Variants in GSE1 observed in about 807,000 individuals in gnomAD.
GSE1 encodes Gse1 coiled-coil protein, also known as genetic suppressor element 1.
Under a neutral mutation model 112.6 loss-of-function variants are expected in GSE1, and 32 were observed. The observed-to-expected ratio is 0.28, with a 90% CI of 0.21 to 0.38. The LOEUF is 0.38. Ranked by LOEUF, GSE1 falls within the 10% of genes least tolerant of loss-of-function variation. GSE1 has a pLI of 1.00. For missense variants in GSE1, 2,348 were observed against 1,699.2 expected (o/e 1.38, Z -6.71); for synonymous variants, 1,115 against 735.6 (o/e 1.52, Z -8.35).
intron 2 of GSE1, 105 bp downstream of exon 2, chr16:85,634,237 C>T (rs1442999866): frequency 2.5e-6 from 2 of 786,190 alleles, no homozygotes; most frequent in African/African-American, 1.9e-5. Flanking sequence ...CTCGTCTTTC[C>T]CACGCCGTGT....
At chr16:85,549,082 C>G (rs1198043676) in intron 2 of GSE1, among the ~76,000 whole-genome samples, 1 of 152,144 alleles carries the variant, frequency 6.6e-6, no homozygotes, top group East Asian at 1.9e-4. Context: ...CCACCGCGCC[C>G]GGCCTGGAGA....
At chr16:85,584,459 G>C (rs901892777) in intron 1 of GSE1, among the ~76,000 whole-genome samples, 1 of 152,204 alleles carries the variant, frequency 6.6e-6, no homozygotes, top group African/African-American at 2.4e-5. Flanking sequence ...TACACTCTCC[G>C]GGTACTGATC....
At chr16:85,633,512 A>G (rs1181523496) in intron 1 of GSE1, among the ~76,000 whole-genome samples, 1 of 152,116 alleles carries the variant, frequency 6.6e-6, no homozygotes, top group African/African-American at 2.4e-5. Flanking sequence ...GCGTGTTTCT[A>G]TCCTGAGGAT....
intron 2 of GSE1, among the ~76,000 whole-genome samples, chr16:85,421,378 A>C (rs1552261): frequency 0.063 from 9,570 of 152,020 alleles, 382 homozygotes; most frequent in East Asian, 0.13. Context: ...GACACTCAGC[A>C]CCGGGAGATG....
intron 1 of GSE1, among the ~76,000 whole-genome samples, chr16:85,331,565 G>T (rs1195048139): frequency 9.5e-6 from 1 of 105,746 alleles, no homozygotes; most frequent in Non-Finnish European, 1.8e-5. Flanking sequence ...GTGTATATGT[G>T]TATATATGTG....
chr16:85,480,932 G>GAGCA (rs2050659870), intron 2 of GSE1, among the ~76,000 whole-genome samples: 1 of 152,242 alleles, frequency 6.6e-6, no homozygotes, highest in Non-Finnish European at 1.5e-5. Flanking sequence ...TGCCCCCAGG[G>GAGCA]AGCAGCGCGT....
chr16:85,225,151 A>G lies in GSE1; in HGVS notation c.2283+53344A>G, dbSNP rs1052621952. ...AAAAAAAAAAGAAAGAAGTAAGTGA[A>G]TAGTAGACCACGTGGGATCACAGGG... On this transcript the variant is annotated intron_variant, in intron 1 of 2. Transcript: ENST00000637419. Among the ~76,000 whole-genome samples the G allele has an allele frequency of 2.0e-5, 3 of 152,162 alleles. No homozygotes were observed. The South Asian group carries it at 6.2e-4, about 32-fold the overall frequency.
intron 1 of GSE1, among the ~76,000 whole-genome samples, chr16:85,327,557 C>T (rs932959463): frequency 5.9e-5 from 9 of 152,088 alleles, no homozygotes; most frequent in Non-Finnish European, 1.2e-4. Flanking sequence ...GAGCTGAGAT[C>T]GCACCACTGC....
chr16:85,643,864 G>A (rs560943124), intron 2 of GSE1, among the ~76,000 whole-genome samples: 27 of 151,934 alleles, frequency 1.8e-4, no homozygotes, highest in African/African-American at 6.5e-4. Flanking sequence ...CCCGGATCAT[G>A]AGCTCTTGGC....
intron 1 of GSE1, among the ~76,000 whole-genome samples, chr16:85,582,565 G>T (rs2046495133): frequency 6.6e-6 from 1 of 152,144 alleles, no homozygotes; most frequent in African/African-American, 2.4e-5. Flanking sequence ...TTCCTGGGTG[G>T]CTCCTCCCTC....
At chr16:85,379,490 A>G (rs2047498259) in intron 2 of GSE1, among the ~76,000 whole-genome samples, 1 of 152,168 alleles carries the variant, frequency 6.6e-6, no homozygotes, top group South Asian at 2.1e-4. Context: ...TCTCCCTGGA[A>G]CATAGTAGGT....
At chr16:85,253,058 G>GCGCCCCCC (rs1906659821) in intron 1 of GSE1, among the ~76,000 whole-genome samples, 1 of 47,144 alleles carries the variant, frequency 2.1e-5, no homozygotes, top group Non-Finnish European at 3.9e-5. Flanking sequence ...AGGCGCCCCC[G>GCGCCCCCC]CCCCCCCCCC....
chr16:85,586,242 C>G (rs551468734), intron 1 of GSE1, among the ~76,000 whole-genome samples: 6 of 152,346 alleles, frequency 3.9e-5, no homozygotes, highest in Admixed American at 3.3e-4. Flanking sequence ...TCTGCAATTT[C>G]CAGATGAGGG....
At chr16:85,190,841 A>AG (rs1241990222) in intron 1 of GSE1, among the ~76,000 whole-genome samples, 5 of 152,178 alleles carry the variant, frequency 3.3e-5, no homozygotes, top group Non-Finnish European at 4.4e-5. Flanking sequence ...CGGACTCACC[A>AG]GGGTGGGGCT....
chr16:85,378,829 A>G (rs1199693039), intron 2 of GSE1, among the ~76,000 whole-genome samples: 2 of 152,130 alleles, frequency 1.3e-5, no homozygotes, highest in African/African-American at 4.8e-5. Flanking sequence ...GCTGCTCTGC[A>G]GTCTCCTCCC....
chr16:85,178,467 A>G (rs1453095063), intron 1 of GSE1, among the ~76,000 whole-genome samples: 1 of 152,104 alleles, frequency 6.6e-6, no homozygotes, highest in Non-Finnish European at 1.5e-5. Context: ...ATTTAAAAAT[A>G]CCAATGACAG....
At chr16:85,284,879 G>C (rs1392493311) in intron 1 of GSE1, 1 of 152,146 alleles carries the variant, frequency 6.6e-6, no homozygotes, top group African/African-American at 2.4e-5. Context: ...TTCTTTTTTG[G>C]TATTAGAGTA....
chr16:85,429,786 G>A (rs541599125), intron 2 of GSE1, among the ~76,000 whole-genome samples: 9 of 152,274 alleles, frequency 5.9e-5, no homozygotes, highest in Admixed American at 1.3e-4. Context: ...CTTGCTTCCC[G>A]CACAGCCTCC....
chr16:85,595,416 G>C (rs1276831085), intron 1 of GSE1: 1 of 152,222 alleles, frequency 6.6e-6, no homozygotes, highest in Non-Finnish European at 1.5e-5. Flanking sequence ...CGGAGACTTA[G>C]AGACTTAGGC....
Sources: gnomAD v4.1 joint callset for allele counts (sites outside exome capture counted in the v4.1 genomes callset) on GRCh38, gnomAD v4.1.1 for gene constraint, MANE v1.5 for transcripts, NCBI Gene and HGNC (gene_info 2026-07-23, HGNC 2026-07-21) for gene names.